Variants in CHCHD3 observed in about 807,000 individuals in gnomAD.
The protein encoded by CHCHD3 is coiled-coil-helix-coiled-coil-helix domain containing 3, also known as MICOS complex subunit MIC19.
CHCHD3 carries 20 observed loss-of-function variants against 38.2 expected under a neutral mutation model. That is an observed-to-expected ratio of 0.52 (90% CI 0.37 to 0.76). The LOEUF (loss-of-function observed/expected upper bound fraction) is 0.76, where lower values mean the gene tolerates loss of function less well. CHCHD3 is among the 30% of genes least tolerant of loss of function. The pLI is 0.00. For synonymous variants in CHCHD3, 82 were observed against 100.0 expected (o/e 0.82, Z 1.07); for missense variants, 245 against 279.2 (o/e 0.88, Z 0.87).
intron 5 of CHCHD3, among the ~76,000 whole-genome samples, chr7:132,839,412 T>C (rs1228452045): frequency 6.6e-6 from 1 of 152,106 alleles, no homozygotes; most frequent in Non-Finnish European, 1.5e-5. Context: ...GCAGCAAAAT[T>C]TATCCATACT....
chr7:132,980,370 CT>C (rs1476387617), intron 3 of CHCHD3, among the ~76,000 whole-genome samples: 2 of 152,250 alleles, frequency 1.3e-5, no homozygotes, highest in South Asian at 4.2e-4. Context: ...GAATACATTC[CT>C]TTTTTATTTA....
chr7:133,076,058 CAAAAAAAA>C (rs58754100), intron 1 of CHCHD3, among the ~76,000 whole-genome samples: 3 of 63,694 alleles, frequency 4.7e-5, no homozygotes, highest in Admixed American at 1.9e-4. Flanking sequence ...GATTCTATCT[CAAAAAAAA>C]AAAAAAAAAA....
intron 6 of CHCHD3, among the ~76,000 whole-genome samples, chr7:132,820,620 T>G (rs974976425): frequency 3.3e-5 from 5 of 150,074 alleles, no homozygotes; most frequent in African/African-American, 2.4e-5. Flanking sequence ...TGTTTTTTTT[T>G]TTTTTTTTTT....
chr7:133,047,994 CAGG>C (rs142970875), intron 2 of CHCHD3, among the ~76,000 whole-genome samples: 2 of 152,274 alleles, frequency 1.3e-5, no homozygotes, highest in East Asian at 3.9e-4. Flanking sequence ...GAGGCTGAGG[CAGG>C]AGAATCGCTT....
intron 7 of CHCHD3, among the ~76,000 whole-genome samples, chr7:132,789,007 T>C (rs1215250547): frequency 6.6e-6 from 1 of 152,214 alleles, no homozygotes; most frequent in Non-Finnish European, 1.5e-5. Context: ...ATTATTATAT[T>C]CCAGCTATGC....
At chr7:133,079,964 T>G (rs985076158) in intron 1 of CHCHD3, among the ~76,000 whole-genome samples, 1 of 152,176 alleles carries the variant, frequency 6.6e-6, no homozygotes. Flanking sequence ...GCCACCAGAC[T>G]CACAGGATTT....
At chr7:133,015,499 G>T (rs557219115) in intron 3 of CHCHD3, among the ~76,000 whole-genome samples, 20 of 152,106 alleles carry the variant, frequency 1.3e-4, no homozygotes, top group Non-Finnish European at 2.5e-4. Context: ...TAGCTATCTA[G>T]ATCTAATAAC....
At chr7:132,887,308 T>C (rs1335721261) in intron 4 of CHCHD3, among the ~76,000 whole-genome samples, 4 of 151,740 alleles carry the variant, frequency 2.6e-5, no homozygotes, top group Admixed American at 6.6e-5. Context: ...TGGTACAACA[T>C]AGTAAAAATT....
At chr7:133,057,983 T>C (rs1298631874) in intron 2 of CHCHD3, among the ~76,000 whole-genome samples, 1 of 152,158 alleles carries the variant, frequency 6.6e-6, no homozygotes, top group Non-Finnish European at 1.5e-5. Context: ...TAGAAAAGTT[T>C]TAAAAAATTT....
rs1563237007 is a variant in CHCHD3 at position 132,794,498 on chromosome 7, G to A, written c.660+1944C>T. Among the ~76,000 whole-genome samples the A allele has an allele frequency of 1.3e-5, 2 of 152,158 alleles. 1 individual carries two copies. Among genetic ancestry groups the A allele is most frequent in the South Asian group, 4.2e-4 (2 of 4,818 alleles). ...AACTACTGCCGAAATGTAAGGTGGT[G>A]CAGGTTCTTGGTTCTCGTCCATTTC... On this transcript the variant is annotated intron_variant, in intron 7 of 7. Coordinates refer to ENST00000262570, the MANE Select transcript of CHCHD3 (RefSeq NM_017812.4).
chr7:132,794,188 C>T (rs983373556), intron 7 of CHCHD3, among the ~76,000 whole-genome samples: 1 of 152,220 alleles, frequency 6.6e-6, no homozygotes, highest in Non-Finnish European at 1.5e-5. Context: ...ATCGCTTTCG[C>T]TCTCACTTTC....
intron 3 of CHCHD3, among the ~76,000 whole-genome samples, chr7:132,983,621 G>C (rs1354293795): frequency 1.3e-5 from 2 of 152,090 alleles, no homozygotes; most frequent in African/African-American, 4.8e-5. Flanking sequence ...TGAGGTTCTC[G>C]TGTATTTTTC....
chr7:132,958,184 G>T (rs1811228563), intron 4 of CHCHD3, among the ~76,000 whole-genome samples: 2 of 152,218 alleles, frequency 1.3e-5, no homozygotes, highest in Non-Finnish European at 2.9e-5. Context: ...AAAAGGCAGA[G>T]ACCTACAAGG....
intron 2 of CHCHD3, among the ~76,000 whole-genome samples, chr7:133,061,320 G>A (rs915986044): frequency 3.9e-5 from 6 of 152,076 alleles, no homozygotes; most frequent in African/African-American, 1.4e-4. Flanking sequence ...GCCAGACTAG[G>A]GCAATGACAC....
At chr7:132,854,513 CT>C (rs1808298516) in intron 5 of CHCHD3, among the ~76,000 whole-genome samples, 1 of 152,112 alleles carries the variant, frequency 6.6e-6, no homozygotes, top group African/African-American at 2.4e-5. Flanking sequence ...AAAATCTACC[CT>C]TTTGGCACAG....
At chr7:133,018,541 A>G (rs1813089062) in intron 3 of CHCHD3, among the ~76,000 whole-genome samples, 1 of 152,196 alleles carries the variant, frequency 6.6e-6, no homozygotes, top group South Asian at 2.1e-4. Context: ...ACTTACACCT[A>G]GAAATTACAT....
chr7:132,919,773 C>T (rs747419856), intron 4 of CHCHD3, among the ~76,000 whole-genome samples: 4 of 152,156 alleles, frequency 2.6e-5, no homozygotes, highest in African/African-American at 4.8e-5. Flanking sequence ...GACTGTGCTC[C>T]TTGGGACCCA....
In CHCHD3 at chr7:132,938,914, C is replaced by A. The variant is rs112230195; in HGVS notation, c.369+36255G>T. Among the ~76,000 whole-genome samples the A allele has an allele frequency of 1.1e-3, 167 of 152,276 alleles. 1 individual carries two copies. The highest frequency in any genetic ancestry group is 2.1e-3 in the South Asian group (10 of 4,820). ...TTTGGGAGCAGGGGACACTTGGTAG[C>A]AGCAGGTAGTCTATCCCTGGTGAGT... On this transcript the variant is annotated intron_variant, in intron 4 of 7. Transcript: ENST00000262570.
Position 132,838,424 on chromosome 7 carries a change from C to A in CHCHD3, c.499G>T (p.Ala167Ser), listed in dbSNP as rs760507594. 1.2e-6 allele frequency: 2 copies of A among 1,612,434 alleles called. No homozygotes were observed. The highest frequency in any genetic ancestry group is 1.7e-6 in the Non-Finnish European group (2 of 1,178,938). The change falls in exon 6 of 8, where the codon GCT becomes TCT. Residue 167 changes from alanine to serine, a missense_variant. Ala to Ser is a moderately conservative substitution (Grantham distance 99, BLOSUM62 1). Transcript: ENST00000262570. ...RVTTEQYQKA[A>S]EEVEAKFKRY... Reference sequence around the variant, plus strand: ...TTGAACTTTGCTTCCACCTCTTCAGCAGCTTTCTGATATTGTTCAGTGGTG... The same window carrying A: ...TTGAACTTTGCTTCCACCTCTTCAGAAGCTTTCTGATATTGTTCAGTGGTG...
Sources: gnomAD v4.1 joint callset for allele counts (sites outside exome capture counted in the v4.1 genomes callset) on GRCh38, gnomAD v4.1.1 for gene constraint, MANE v1.5 for transcripts, NCBI Gene and HGNC (gene_info 2026-07-23, HGNC 2026-07-21) for gene names.